CBLN2: variants seen among roughly 807,000 people sequenced by gnomAD.
CBLN2 encodes cerebellin 2 precursor.
Under a neutral mutation model 15.0 loss-of-function variants are expected in CBLN2, and 7 were observed. The observed-to-expected ratio is 0.47, with a 90% CI of 0.27 to 0.88. The LOEUF is 0.88. Among genes scored for constraint, CBLN2 ranks in the 40% least tolerant of loss-of-function variants. The probability of loss-of-function intolerance (pLI) is 0.14; values close to 1 mark genes in which losing one functional copy is unlikely to be tolerated. For synonymous variants in CBLN2, 149 were observed against 135.2 expected, an observed-to-expected ratio of 1.10 and a Z score of -0.71; for missense variants, 242 against 304.5, an observed-to-expected ratio of 0.79 and a Z score of 1.53.
intron 1 of CBLN2, among the ~76,000 whole-genome samples, chr18:72,576,289 A>G (rs969290673): frequency 2.6e-5 from 4 of 152,196 alleles, no homozygotes; most frequent in Admixed American, 6.5e-5. Flanking sequence ...AAGTAAGCAC[A>G]CATTTTTAGC....
intron 1 of CBLN2, among the ~76,000 whole-genome samples, chr18:72,550,227 C>A (rs573997117): frequency 2.0e-4 from 30 of 152,308 alleles, no homozygotes; most frequent in African/African-American, 7.0e-4. Flanking sequence ...GAACTGCTAT[C>A]TCATTGTAAT....
At chr18:72,562,412 T>C (rs1246895932) in intron 1 of CBLN2, among the ~76,000 whole-genome samples, 3 of 152,024 alleles carry the variant, frequency 2.0e-5, no homozygotes, top group Admixed American at 6.6e-5. Flanking sequence ...AGAAGAAAAA[T>C]AAAACATTTT....
Position 72,583,065 on chromosome 18 carries a change from G to A in CBLN2, c.16-44293C>T, listed in dbSNP as rs2069416566. On this transcript the variant is annotated intron_variant, in intron 1 of 2. Transcript: ENST00000581073. Reference sequence around the variant, plus strand: ...GAGAATTTGCAGAACTGAAGTGAAGGATGGAAGCTGGGCCCGGGCCCAGGC... The same window carrying A: ...GAGAATTTGCAGAACTGAAGTGAAGAATGGAAGCTGGGCCCGGGCCCAGGC... Among the ~76,000 whole-genome samples, 7 of 152,238 alleles carry A rather than the reference G, an allele frequency of 4.6e-5. No homozygotes were observed. In the South Asian group the frequency reaches 1.5e-3, roughly 32 times the overall value.
intron 1 of CBLN2, among the ~76,000 whole-genome samples, chr18:72,552,358 A>G (rs886696744): frequency 6.6e-6 from 1 of 152,202 alleles, no homozygotes; most frequent in Admixed American, 6.5e-5. Context: ...TGCCAGGATT[A>G]CAGGCATAAG....
chr18:72,587,458 T>A (rs2069451359), intron 1 of CBLN2, among the ~76,000 whole-genome samples: 1 of 152,120 alleles, frequency 6.6e-6, no homozygotes, highest in African/African-American at 2.4e-5. Context: ...TATTTTCCTA[T>A]AATCTCCCCA....
chr18:72,580,989 C>A (rs918293226), intron 1 of CBLN2, among the ~76,000 whole-genome samples: 3 of 152,112 alleles, frequency 2.0e-5, no homozygotes, highest in Non-Finnish European at 2.9e-5. Flanking sequence ...GTTTGAGAAC[C>A]CTCCCACCCT....
At chr18:72,561,839 T>G (rs1362026995) in intron 1 of CBLN2, among the ~76,000 whole-genome samples, 1 of 152,208 alleles carries the variant, frequency 6.6e-6, no homozygotes, top group Non-Finnish European at 1.5e-5. Flanking sequence ...ACGTAAACAT[T>G]AATCTCAGAG....
intron 1 of CBLN2, among the ~76,000 whole-genome samples, chr18:72,634,679 G>A (rs2069800601): frequency 2.0e-5 from 3 of 152,060 alleles, no homozygotes; most frequent in Admixed American, 6.6e-5. Flanking sequence ...TATAATTGCA[G>A]CCACAGTGGC....
In CBLN2 at chr18:72,618,468, G is replaced by A. The variant is rs2069677690; in HGVS notation, c.15+19857C>T. 10 of 664,158 alleles carry A rather than the reference G, an allele frequency of 1.5e-5. No individual in the cohort carries two copies. The Admixed American group carries it at 1.6e-4, about 11-fold the overall frequency. The allele number at this position is 664,158 out of a possible 1,614,324, so 41.1% of individuals were successfully genotyped here. ...TGTCACATGCACCACTGTGGAGGAG[G>A]TGGATGCAGCCATGAATGCAAGGTC... On this transcript the variant is annotated intron_variant, in intron 1 of 2. Transcript: ENST00000581073.
chr18:72,615,051 A>T (rs2069647787), intron 1 of CBLN2, among the ~76,000 whole-genome samples: 1 of 138,404 alleles, frequency 7.2e-6, no homozygotes, highest in South Asian at 2.1e-4. Flanking sequence ...ATATATATAT[A>T]TATATAAATA....
At chr18:72,572,899 C>A (rs189049306) in intron 1 of CBLN2, among the ~76,000 whole-genome samples, 336 of 151,952 alleles carry the variant, frequency 2.2e-3, no homozygotes, top group African/African-American at 7.9e-3. Flanking sequence ...TTTAAGTATG[C>A]TAAAGAATAA....
chr18:72,596,646 T>C (rs1015603781), intron 1 of CBLN2, among the ~76,000 whole-genome samples: 1 of 152,178 alleles, frequency 6.6e-6, no homozygotes, highest in Non-Finnish European at 1.5e-5. Flanking sequence ...TCTGAGAAGG[T>C]CTTTATTTCT....
At chr18:72,552,905 T>C (rs755126485) in intron 1 of CBLN2, among the ~76,000 whole-genome samples, 3 of 152,182 alleles carry the variant, frequency 2.0e-5, no homozygotes, top group Non-Finnish European at 4.4e-5. Flanking sequence ...AAGAGGTTAC[T>C]AGTGGAATTA....
At chr18:72,592,551 T>C (rs2069486770) in intron 1 of CBLN2, among the ~76,000 whole-genome samples, 1 of 152,134 alleles carries the variant, frequency 6.6e-6, no homozygotes, top group African/African-American at 2.4e-5. Context: ...GGGGTATTAC[T>C]CAAGAAATCT....
intron 1 of CBLN2, among the ~76,000 whole-genome samples, chr18:72,589,930 C>T (rs533962129): frequency 8.7e-4 from 133 of 152,090 alleles, no homozygotes; most frequent in African/African-American, 3.0e-3. Context: ...GTCAGGAGTT[C>T]GAGACCAGCC....
intron 1 of CBLN2, among the ~76,000 whole-genome samples, chr18:72,623,650 G>C (rs530158231): frequency 2.6e-5 from 4 of 152,136 alleles, no homozygotes; most frequent in African/African-American, 7.2e-5. Context: ...AGTTTGCCCT[G>C]GACAAGCTGC....
chr18:72,635,824 T>C (rs1599033472), intron 1 of CBLN2, among the ~76,000 whole-genome samples: 1 of 152,234 alleles, frequency 6.6e-6, no homozygotes, highest in East Asian at 1.9e-4. Context: ...TTCCATCATA[T>C]TGGTAAATAA....
At chr18:72,544,973 CTAATAATAATAA>C (rs3841257), upstream of CBLN2, among the ~76,000 whole-genome samples, 1 of 147,240 alleles carries the variant, frequency 6.8e-6, no homozygotes, top group East Asian at 2.0e-4. Flanking sequence ...TTCTGATAGG[CTAATAATAATAA>C]TAATAATAAT....
At chr18:72,605,572 A>G (rs1458827335) in intron 1 of CBLN2, among the ~76,000 whole-genome samples, 1 of 152,232 alleles carries the variant, frequency 6.6e-6, no homozygotes, top group African/African-American at 2.4e-5. Flanking sequence ...CTTCATACTG[A>G]CATAGCTGGT....
Sources: gnomAD v4.1 joint callset for allele counts (sites outside exome capture counted in the v4.1 genomes callset) on GRCh38, gnomAD v4.1.1 for gene constraint, MANE v1.5 for transcripts, NCBI Gene and HGNC (gene_info 2026-07-23, HGNC 2026-07-21) for gene names.